The following OR2L13 variants were observed in gnomAD, a reference collection of about 807,000 sequenced individuals.
OR2L13 encodes the protein olfactory receptor family 2 subfamily L member 13, also known as olfactory receptor 2L13.
A neutral mutation model predicts 15.3 loss-of-function variants in OR2L13; 14 were observed. The ratio of observed to expected loss-of-function variants is 0.91; its 90% CI spans 0.60 to 1.43. The LOEUF is 1.43. Among genes scored for constraint, OR2L13 ranks in the 40% most tolerant of loss-of-function variants. The pLI is 0.00. For missense variants in OR2L13, 367 were observed against 387.9 expected, an observed-to-expected ratio of 0.95 and a Z score of 0.45; for synonymous variants, 152 against 142.9, an observed-to-expected ratio of 1.06 and a Z score of -0.45.
chr1:247,946,508 A>G, the OR2L13 span, among the ~76,000 whole-genome samples: 1 of 152,210 alleles, frequency 6.6e-6, no homozygotes, highest in African/African-American at 2.4e-5. Context: ...TATTCAAGTA[A>G]TGCATAGACA....
the OR2L13 span, chr1:248,022,756 A>G: frequency 1.9e-6 from 3 of 1,614,124 alleles, no homozygotes; most frequent in East Asian, 4.5e-5. Flanking sequence ...CTGACAGAGG[A>G]CAAGGTTCTG....
chr1:247,973,501 C>T, the OR2L13 span, among the ~76,000 whole-genome samples: 1 of 151,986 alleles, frequency 6.6e-6, no homozygotes, highest in African/African-American at 2.4e-5. Flanking sequence ...GACAGAGAGC[C>T]AAATCATGAG....
chr1:248,044,108 T>C, the OR2L13 span, among the ~76,000 whole-genome samples: 3 of 152,138 alleles, frequency 2.0e-5, no homozygotes, highest in African/African-American at 7.2e-5. Context: ...TTTCTGGGAA[T>C]GCAGCCCAGC....
At chr1:247,958,843 C>T in the OR2L13 span, among the ~76,000 whole-genome samples, 7 of 151,896 alleles carry the variant, frequency 4.6e-5, no homozygotes, top group South Asian at 2.1e-4. Context: ...TGTCTCTGCA[C>T]GTGAGATGGT....
At chr1:248,068,103 A>C in the OR2L13 span, among the ~76,000 whole-genome samples, 11,446 of 152,094 alleles carry the variant, frequency 0.075, 568 homozygotes, top group East Asian at 0.16. Context: ...GTAACCTCTG[A>C]AGACTTAAAT....
chr1:248,000,123 G>GGTGTGTGTGTGTGTGTGTGTGTGTGT, the OR2L13 span, among the ~76,000 whole-genome samples: 48 of 138,296 alleles, frequency 3.5e-4, no homozygotes, highest in African/African-American at 5.3e-4. Flanking sequence ...TTTTTTTTTT[G>GGTGTGTGTGTGTGTGTGTGTGTGTGT]GTGTGTGTGT....
At chr1:248,061,502 C>T in the OR2L13 span, 1 of 1,613,938 alleles carries the variant, frequency 6.2e-7, no homozygotes, top group Non-Finnish European at 8.5e-7. Context: ...AAGGTTCTGG[C>T]TGTCTTCTAC....
the OR2L13 span, chr1:248,022,248 T>C: frequency 6.2e-7 from 1 of 1,613,574 alleles, no homozygotes; most frequent in Non-Finnish European, 8.5e-7. Flanking sequence ...GATTCAGAGT[T>C]TCTTCTTCAT....
chr1:248,069,804 A>T, the OR2L13 span, among the ~76,000 whole-genome samples: 1 of 152,178 alleles, frequency 6.6e-6, no homozygotes, highest in Non-Finnish European at 1.5e-5. Context: ...TGGAAAACAA[A>T]AAAAGGCAGG....
the OR2L13 span, among the ~76,000 whole-genome samples, chr1:247,948,095 C>T: frequency 6.6e-6 from 1 of 152,064 alleles, no homozygotes; most frequent in South Asian, 2.1e-4. Flanking sequence ...TGGCTGTAGT[C>T]GCAGCTACTC....
the OR2L13 span, among the ~76,000 whole-genome samples, chr1:247,975,882 C>T: frequency 6.6e-6 from 1 of 152,018 alleles, no homozygotes; most frequent in Non-Finnish European, 1.5e-5. Flanking sequence ...TTATTTTCCA[C>T]TAAATTGTGG....
chr1:247,938,326 C>G, the OR2L13 span, among the ~76,000 whole-genome samples: 8 of 152,206 alleles, frequency 5.3e-5, no homozygotes, highest in Middle Eastern at 3.4e-3. Flanking sequence ...TTAGATGCAT[C>G]AGGTGCTGTA....
the OR2L13 span, among the ~76,000 whole-genome samples, chr1:247,969,564 C>G: frequency 6.6e-6 from 1 of 152,160 alleles, no homozygotes; most frequent in Non-Finnish European, 1.5e-5. Context: ...TCTCATTTAA[C>G]AATAGTTTAA....
chr1:248,078,963 C>A, the OR2L13 span, among the ~76,000 whole-genome samples: 1 of 151,538 alleles, frequency 6.6e-6, no homozygotes, highest in East Asian at 2.0e-4. Flanking sequence ...GGTCTCCAGA[C>A]GTTAGGAGGT....
chr1:248,049,598 G>A, the OR2L13 span, among the ~76,000 whole-genome samples: 1 of 152,132 alleles, frequency 6.6e-6, no homozygotes. Context: ...TGAAGTGAAA[G>A]TACAGTAAAA....
chr1:248,092,204 G>C (rs1572738881), upstream of OR2L13, among the ~76,000 whole-genome samples: 1 of 152,110 alleles, frequency 6.6e-6, no homozygotes, highest in South Asian at 2.1e-4. Flanking sequence ...TCCAGATATA[G>C]AATGGTATCA....
At chr1:248,048,387 T>C in the OR2L13 span, among the ~76,000 whole-genome samples, 2 of 152,220 alleles carry the variant, frequency 1.3e-5, no homozygotes, top group Admixed American at 6.5e-5. Flanking sequence ...CAACATTATG[T>C]ACTGTGTCTC....
chr1:248,051,687 C>T, the OR2L13 span, among the ~76,000 whole-genome samples: 5 of 151,974 alleles, frequency 3.3e-5, no homozygotes, highest in African/African-American at 1.2e-4. Context: ...CAGCATCATG[C>T]AACATATCCA....
chr1:247,959,232 G>C, the OR2L13 span, among the ~76,000 whole-genome samples: 2 of 151,958 alleles, frequency 1.3e-5, no homozygotes, highest in Non-Finnish European at 2.9e-5. Flanking sequence ...GAAATTCTGG[G>C]TTGAAAATTC....
Sources: gnomAD v4.1 joint callset for allele counts (sites outside exome capture counted in the v4.1 genomes callset) on GRCh38, gnomAD v4.1.1 for gene constraint, MANE v1.5 for transcripts, NCBI Gene and HGNC (gene_info 2026-07-23, HGNC 2026-07-21) for gene names.